SDK1: variants seen among roughly 807,000 people sequenced by gnomAD.
SDK1 encodes sidekick cell adhesion molecule 1.
A neutral mutation model predicts 245.5 loss-of-function variants in SDK1; 157 were observed. That is an observed-to-expected ratio of 0.64 (90% confidence interval 0.56 to 0.73). SDK1 has a LOEUF of 0.73. Among genes scored for constraint, SDK1 ranks in the 30% least tolerant of loss-of-function variants. The pLI is 0.00. For synonymous variants in SDK1, 1,647 were observed against 1,278.5 expected, an observed-to-expected ratio of 1.29 and a Z score of -6.15; for missense variants, 3,583 against 3,002.3, an observed-to-expected ratio of 1.19 and a Z score of -4.52.
intron 7 of SDK1, among the ~76,000 whole-genome samples, chr7:3,957,093 C>T (rs989947225): frequency 3.9e-5 from 6 of 152,140 alleles, no homozygotes; most frequent in South Asian, 2.1e-4. Context: ...AAGTTACACT[C>T]GATGACCTCC....
chr7:3,984,404 C>T (rs1373114500), intron 13 of SDK1, among the ~76,000 whole-genome samples: 1 of 152,198 alleles, frequency 6.6e-6, no homozygotes, highest in African/African-American at 2.4e-5. Flanking sequence ...GATTTGAAAT[C>T]AAGTGCAAGA....
intron 4 of SDK1, among the ~76,000 whole-genome samples, chr7:3,800,665 C>A (rs571456233): frequency 1.3e-5 from 2 of 152,230 alleles, no homozygotes; most frequent in African/African-American, 4.8e-5. Context: ...CTGCCTCGCT[C>A]GGCTGCCGTC....
In SDK1 at chr7:4,051,785, G is replaced by A; in HGVS notation, c.2866G>A (p.Asp956Asn). 3 of 1,613,826 alleles carry A rather than the reference G, an allele frequency of 1.9e-6. No individual in the cohort carries two copies. The highest frequency in any genetic ancestry group is 8.5e-7 in the Non-Finnish European group (1 of 1,179,882). The change falls in exon 19 of 45, where the codon GAC becomes AAC. Residue 956 changes from aspartate to asparagine, a missense_variant. Transcript: ENST00000404826. ...TSVLCFTTPG[D>N]GPPSTPQLVW... ...CGTTCTGTGCTTCACCACCCCTGGG[G>A]ACGGGCCTCCCAGCACACCTCAGCT...
chr7:3,740,761 C>T (rs990277651), intron 4 of SDK1, among the ~76,000 whole-genome samples: 5 of 152,104 alleles, frequency 3.3e-5, no homozygotes, highest in Non-Finnish European at 2.9e-5. Context: ...ATAAACAGTA[C>T]TTAGATTGTT....
chr7:3,867,152 C>T (rs201609073), intron 5 of SDK1, among the ~76,000 whole-genome samples: 2 of 152,260 alleles, frequency 1.3e-5, no homozygotes, highest in East Asian at 3.9e-4. Flanking sequence ...ACAGAAAAAG[C>T]TTGATTTTAA....
At chr7:4,196,932 A>T (rs550450356) in intron 35 of SDK1, among the ~76,000 whole-genome samples, 1 of 152,368 alleles carries the variant, frequency 6.6e-6, no homozygotes, top group East Asian at 1.9e-4. Flanking sequence ...CTAAGGCCAT[A>T]GCTAGGAAAG....
At chr7:4,110,192 T>G (rs1029636301) in intron 22 of SDK1, among the ~76,000 whole-genome samples, 1 of 152,150 alleles carries the variant, frequency 6.6e-6, no homozygotes, top group Non-Finnish European at 1.5e-5. Flanking sequence ...TGGTGTGTGT[T>G]TGGGGCAGAA....
Position 4,026,994 on chromosome 7 carries a change from TATAGTTTA to T in SDK1, c.2602+9644_2602+9651del. On this transcript the variant is annotated intron_variant, in intron 17 of 44. Transcript: ENST00000404826. The surrounding 1 kb of genome is among the most constrained non-coding windows in gnomAD (Gnocchi z 4.1). ...GTTCTGGATAGATGCATCAGTCCCTTATAGTTTAAACCATGTACATTTGGGATCATGAA... is the reference window on the plus strand; with the variant it reads ...GTTCTGGATAGATGCATCAGTCCCTTAACCATGTACATTTGGGATCATGAA... Among the ~76,000 whole-genome samples the T allele has an allele frequency of 6.6e-6, 1 of 152,304 alleles. No individual in the cohort carries two copies. The highest frequency in any genetic ancestry group is 2.4e-5 in the African/African-American group (1 of 41,558).
chr7:4,130,198 AACC>A, intron 27 of SDK1, 101 bp downstream of exon 27: 2 of 1,306,862 alleles, frequency 1.5e-6, no homozygotes, highest in Non-Finnish European at 2.1e-6. Flanking sequence ...TTAATTTTCA[AACC>A]ACTTTCTTTT....
intron 7 of SDK1, among the ~76,000 whole-genome samples, chr7:3,952,947 C>T (rs1163989011): frequency 2.0e-5 from 3 of 152,224 alleles, no homozygotes; most frequent in South Asian, 4.1e-4. Flanking sequence ...TGCATTTATT[C>T]TTCATAAGTG....
At chr7:3,320,288 C>T (rs74817136) in intron 1 of SDK1, among the ~76,000 whole-genome samples, 5,969 of 79,464 alleles carry the variant, frequency 0.075, 347 homozygotes, top group African/African-American at 0.22. Flanking sequence ...CTATTTTTTT[C>T]CCCCTATCTC....
Position 3,443,515 on chromosome 7 carries a change from C to G in SDK1, c.298+141631C>G, listed in dbSNP as rs189401137. 1.2e-4 allele frequency among the ~76,000 whole-genome samples: 18 copies of G among 152,274 alleles called. No homozygotes were observed. In the East Asian group the frequency reaches 1.7e-3, roughly 15 times the overall value. On this transcript the variant is annotated intron_variant, in intron 1 of 44. Transcript: ENST00000404826. ...TAATTAACTGCACAGATGATGTGAT[C>G]TGATTTTGTCACTAACTGCTTATTA...
chr7:4,237,399 G>GA (rs1463069308), intron 41 of SDK1, among the ~76,000 whole-genome samples: 4 of 152,002 alleles, frequency 2.6e-5, no homozygotes, highest in African/African-American at 9.7e-5. Context: ...GAGGAGCCCT[G>GA]AGCCTGATCC....
At position 3,783,187 on chromosome 7, in the gene SDK1, G is replaced by A. The variant is rs147211689; in HGVS notation, c.714-38263G>A. Among the ~76,000 whole-genome samples, 40 of 152,194 alleles carry A rather than the reference G, an allele frequency of 2.6e-4. 1 individual carries two copies. The East Asian group carries it at 5.8e-3, about 22-fold the overall frequency. ...AATTCATCTTTTTATAAAAATTCTC[G>A]GCAAATTAGTTGTAGAAGGAGTGGA... On this transcript the variant is annotated intron_variant, in intron 4 of 44. Coordinates refer to ENST00000404826, the MANE Select transcript of SDK1 (RefSeq NM_152744.4).
In SDK1 at chr7:3,619,153, C is replaced by T; in HGVS notation, c.372C>T (p.Leu124=). The change falls in exon 2 of 45, where the codon CTC becomes CTT. Residue 124 remains leucine (L), a synonymous_variant. Coordinates refer to ENST00000404826, the MANE Select transcript of SDK1 (RefSeq NM_152744.4). ...ACCTGGAAGGGAACCGCCTTGTTCT[C>T]ACCTGCCTTGCCGAAGGGAGCTGGC... is the stretch of plus-strand genomic sequence containing the variant. ...QIHLEGNRLV[L]TCLAEGSWPL... 1 of 1,614,082 alleles carries T rather than the reference C, an allele frequency of 6.2e-7. No individual in the cohort carries two copies. Among genetic ancestry groups the T allele is most frequent in the Non-Finnish European group, 8.5e-7 (1 of 1,179,968 alleles).
At chr7:3,941,518 G>C (rs1455535049) in intron 5 of SDK1, among the ~76,000 whole-genome samples, 1 of 151,942 alleles carries the variant, frequency 6.6e-6, no homozygotes, top group Admixed American at 6.5e-5. Flanking sequence ...GGCCAAACGG[G>C]TTCCCTCCTT....
At chr7:3,568,216 A>G (rs966719907) in intron 1 of SDK1, among the ~76,000 whole-genome samples, 2 of 152,206 alleles carry the variant, frequency 1.3e-5, no homozygotes, top group African/African-American at 2.4e-5. Flanking sequence ...GTAGTTTAAT[A>G]TGCATTTAAT....
chr7:3,935,026 C>G (rs1780107231), intron 5 of SDK1, among the ~76,000 whole-genome samples: 1 of 152,230 alleles, frequency 6.6e-6, no homozygotes, highest in Non-Finnish European at 1.5e-5. Flanking sequence ...TTGGCAAGAA[C>G]AACTTTGAGA....
At chr7:3,545,663 C>T (rs1235861607) in intron 1 of SDK1, among the ~76,000 whole-genome samples, 2 of 152,188 alleles carry the variant, frequency 1.3e-5, no homozygotes, top group African/African-American at 4.8e-5. Flanking sequence ...CATGTGCCTG[C>T]CATCCTCTGG....
Sources: gnomAD v4.1 joint callset for allele counts (sites outside exome capture counted in the v4.1 genomes callset) on GRCh38, gnomAD v4.1.1 for gene constraint, Gnocchi (gnomAD v3.1) non-coding constraint, MANE v1.5 for transcripts, NCBI Gene and HGNC (gene_info 2026-07-23, HGNC 2026-07-21) for gene names.